Variants in ITPR1 observed in about 807,000 individuals in gnomAD.
ITPR1 encodes the protein inositol 1,4,5-trisphosphate receptor type 1.
In ITPR1, 96 loss-of-function variants were observed where a neutral mutation model predicts 318.4. The ratio of observed to expected loss-of-function variants is 0.30; its 90% confidence interval spans 0.26 to 0.36. The LOEUF is 0.36. ITPR1 is among the 10% of genes least tolerant of loss of function. The pLI, the probability that ITPR1 is intolerant of heterozygous loss-of-function variation, is 1.00. For synonymous variants in ITPR1, 1,312 were observed against 1,289.9 expected, an observed-to-expected ratio of 1.02 and a Z score of -0.37; for missense variants, 2,440 against 3,460.2, an observed-to-expected ratio of 0.71 and a Z score of 7.40.
chr3:4,695,324 A>G (rs970527750), intron 33 of ITPR1, among the ~76,000 whole-genome samples: 2 of 152,258 alleles, frequency 1.3e-5, no homozygotes, highest in Non-Finnish European at 2.9e-5. Context: ...TGGATAAAGA[A>G]GGTAGAGTTA....
chr3:4,797,632 C>T (rs901403043), intron 53 of ITPR1, among the ~76,000 whole-genome samples: 5 of 152,144 alleles, frequency 3.3e-5, no homozygotes, highest in African/African-American at 9.7e-5. Flanking sequence ...GTGAGCATGC[C>T]GTGATGGCTA....
intron 60 of ITPR1, chr3:4,831,442 T>G (rs1276399372): frequency 6.0e-6 from 1 of 166,832 alleles, no homozygotes; most frequent in Non-Finnish European, 1.3e-5. Flanking sequence ...CATCGGTATG[T>G]GAGATGCCAG....
chr3:4,498,210 C>G (rs528423066), intron 2 of ITPR1, among the ~76,000 whole-genome samples: 64 of 152,244 alleles, frequency 4.2e-4, no homozygotes, highest in African/African-American at 1.4e-3. Context: ...GTATATTTTA[C>G]AGTAATTTTA....
chr3:4,800,204 G>C (rs1196915525), intron 53 of ITPR1: 1 of 534,498 alleles, frequency 1.9e-6, no homozygotes, highest in African/African-American at 2.0e-5. Flanking sequence ...AGATGAATGA[G>C]AAGGGAAGAA....
intron 4 of ITPR1, among the ~76,000 whole-genome samples, chr3:4,550,151 G>A (rs1351834122): frequency 6.6e-6 from 1 of 152,126 alleles, no homozygotes; most frequent in African/African-American, 2.4e-5. Context: ...ATGCCAGAAA[G>A]CTATTCTCGG....
At chr3:4,649,887 C>T (rs558116816) in intron 10 of ITPR1, among the ~76,000 whole-genome samples, 2 of 152,234 alleles carry the variant, frequency 1.3e-5, no homozygotes, top group Non-Finnish European at 2.9e-5. Flanking sequence ...CATCAAGACT[C>T]GGCCTCATGA....
At chr3:4,753,119 G>A (rs2044671176) in intron 44 of ITPR1, among the ~76,000 whole-genome samples, 1 of 152,218 alleles carries the variant, frequency 6.6e-6, no homozygotes, top group South Asian at 2.1e-4. Flanking sequence ...TTCAGAAGAG[G>A]GTTGGCTTGT....
At chr3:4,754,214 A>T (rs2044779032) in intron 44 of ITPR1, among the ~76,000 whole-genome samples, 2 of 151,264 alleles carry the variant, frequency 1.3e-5, no homozygotes. Context: ...CCAGAGATCG[A>T]CTCCCCTGAC....
intron 6 of ITPR1, among the ~76,000 whole-genome samples, chr3:4,640,793 C>T (rs1353222609): frequency 6.6e-6 from 1 of 152,120 alleles, no homozygotes; most frequent in Non-Finnish European, 1.5e-5. Flanking sequence ...CATAATTAAT[C>T]TTAGTTATTA....
chr3:4,834,046 C>T (rs574422391), intron 60 of ITPR1, among the ~76,000 whole-genome samples: 1 of 152,278 alleles, frequency 6.6e-6, no homozygotes, highest in East Asian at 1.9e-4. Context: ...TGCCCACCAC[C>T]ACACCGAGCT....
intron 4 of ITPR1, among the ~76,000 whole-genome samples, chr3:4,619,509 CCTT>C: frequency 6.6e-6 from 1 of 150,512 alleles, no homozygotes; most frequent in Non-Finnish European, 1.5e-5. Flanking sequence ...CCTTTCCTCT[CCTT>C]CTGCCCCTTC....
At chr3:4,619,599 T>TTCCCCC (rs2092525464) in intron 4 of ITPR1, among the ~76,000 whole-genome samples, 1 of 29,210 alleles carries the variant, frequency 3.4e-5, no homozygotes, top group Non-Finnish European at 5.4e-5. Context: ...TGCCCTCCCC[T>TTCCCCC]GCTCTCCTCT....
chr3:4,560,862 T>C (rs190786925), intron 4 of ITPR1, among the ~76,000 whole-genome samples: 20 of 152,334 alleles, frequency 1.3e-4, no homozygotes, highest in African/African-American at 4.1e-4. Flanking sequence ...CTTGGTTTGA[T>C]TGGCTTTTTG....
At chr3:4,651,633 C>A (rs1345680336) in intron 10 of ITPR1, among the ~76,000 whole-genome samples, 1 of 152,212 alleles carries the variant, frequency 6.6e-6, no homozygotes, top group East Asian at 1.9e-4. Context: ...ATGGCACCAA[C>A]TACCACTGCT....
intron 33 of ITPR1, among the ~76,000 whole-genome samples, chr3:4,695,783 T>C (rs1436642543): frequency 2.6e-5 from 4 of 152,218 alleles, no homozygotes; most frequent in East Asian, 1.9e-4. Context: ...TCCTTTCTAT[T>C]GTGGCACCAT....
intron 4 of ITPR1, among the ~76,000 whole-genome samples, chr3:4,607,052 C>A (rs2091753941): frequency 6.6e-6 from 1 of 152,274 alleles, no homozygotes; most frequent in Admixed American, 6.5e-5. Context: ...CCACACCAAA[C>A]AACAATAATA....
At chr3:4,697,534 C>G (rs995118661) in intron 34 of ITPR1, among the ~76,000 whole-genome samples, 4 of 144,158 alleles carry the variant, frequency 2.8e-5, no homozygotes, top group African/African-American at 5.3e-5. Flanking sequence ...TCACTGCAAC[C>G]TCTACCTCCT....
At chr3:4,539,518 C>T (rs1177884926) in intron 4 of ITPR1, among the ~76,000 whole-genome samples, 1 of 151,850 alleles carries the variant, frequency 6.6e-6, no homozygotes, top group Non-Finnish European at 1.5e-5. Context: ...TGGAATTGTT[C>T]CTGATTATGG....
intron 33 of ITPR1, among the ~76,000 whole-genome samples, chr3:4,695,588 A>G (rs1032881658): frequency 6.6e-6 from 1 of 152,132 alleles, no homozygotes; most frequent in Admixed American, 6.5e-5. Flanking sequence ...GGGTAACCAC[A>G]AGCTGATTTT....
Sources: allele counts gnomAD v4.1 joint callset (sites outside exome capture counted in the v4.1 genomes callset), GRCh38; gene constraint gnomAD v4.1.1; transcripts MANE v1.5; gene names NCBI Gene and HGNC (gene_info 2026-07-23, HGNC 2026-07-21).